ZNF385D: variants seen among roughly 807,000 people sequenced by gnomAD.
ZNF385D encodes the protein zinc finger protein 385D.
In ZNF385D, 15 loss-of-function variants were observed where a neutral mutation model predicts 35.8. The ratio of observed to expected loss-of-function variants is 0.42; its 90% confidence interval spans 0.28 to 0.64. The LOEUF is 0.64. Among genes scored for constraint, ZNF385D ranks in the 30% least tolerant of loss-of-function variants. The probability of loss-of-function intolerance (pLI) is 0.23; values close to 1 mark genes in which losing one functional copy is unlikely to be tolerated. For missense variants in ZNF385D, 474 were observed against 494.6 expected (o/e 0.96, Z 0.39); for synonymous variants, 212 against 186.8 (o/e 1.13, Z -1.10).
At chr3:22,308,211 T>C (rs1442333861) in intron 2 of ZNF385D, among the ~76,000 whole-genome samples, 1 of 152,030 alleles carries the variant, frequency 6.6e-6, no homozygotes, top group African/African-American at 2.4e-5. Context: ...TGTTAGAAAA[T>C]AGTTTACTCT....
chr3:22,063,546 G>A (rs1282216292), intron 3 of ZNF385D, among the ~76,000 whole-genome samples: 2 of 152,074 alleles, frequency 1.3e-5, no homozygotes, highest in East Asian at 1.9e-4. Context: ...ATTCTCTAAA[G>A]TCCCTAACAA....
intron 4 of ZNF385D, among the ~76,000 whole-genome samples, chr3:21,455,032 T>C (rs1225786877): frequency 2.6e-5 from 4 of 152,218 alleles, no homozygotes; most frequent in Admixed American, 1.3e-4. Flanking sequence ...TTACAAGGGA[T>C]GTGAAGGACC....
intron 3 of ZNF385D, among the ~76,000 whole-genome samples, chr3:21,996,555 A>C (rs1471052704): frequency 6.6e-6 from 1 of 152,148 alleles, no homozygotes; most frequent in African/African-American, 2.4e-5. Context: ...TTGATAGAAT[A>C]ATCTATTATT....
intron 3 of ZNF385D, among the ~76,000 whole-genome samples, chr3:22,113,735 G>A (rs191799445): frequency 6.6e-6 from 1 of 151,924 alleles, no homozygotes; most frequent in African/African-American, 2.4e-5. Context: ...ATAAAAGAAA[G>A]CTCACTTTGG....
intron 1 of ZNF385D, among the ~76,000 whole-genome samples, chr3:21,714,589 C>G (rs1172462569): frequency 6.6e-6 from 1 of 152,226 alleles, no homozygotes; most frequent in African/African-American, 2.4e-5. Flanking sequence ...TTCTACTCCT[C>G]TCTTTCTCGT....
At chr3:21,556,068 G>GTTTTTTTTTT (rs148079775) in intron 3 of ZNF385D, among the ~76,000 whole-genome samples, 46 of 99,018 alleles carry the variant, frequency 4.6e-4, no homozygotes, top group South Asian at 7.1e-4. Context: ...TTTTGTTTTT[G>GTTTTTTTTTT]TTTTTTTTTT....
intron 2 of ZNF385D, among the ~76,000 whole-genome samples, chr3:22,291,419 ATT>A (rs1056333769): frequency 5.3e-5 from 8 of 152,084 alleles, no homozygotes; most frequent in African/African-American, 1.7e-4. Context: ...TTCAAGGTAC[ATT>A]AATTAATAGT....
At chr3:21,698,888 C>T (rs938002933) in intron 1 of ZNF385D, among the ~76,000 whole-genome samples, 8 of 152,006 alleles carry the variant, frequency 5.3e-5, no homozygotes, top group African/African-American at 1.7e-4. Context: ...TTTACACTGT[C>T]GGTGGGAATG....
At chr3:21,700,784 G>A (rs1478127546) in intron 1 of ZNF385D, among the ~76,000 whole-genome samples, 2 of 152,302 alleles carry the variant, frequency 1.3e-5, no homozygotes, top group South Asian at 2.1e-4. Context: ...ATGTATTAAT[G>A]TTAATGTTAA....
At chr3:21,600,135 G>A (rs555544066) in intron 2 of ZNF385D, among the ~76,000 whole-genome samples, 1 of 152,268 alleles carries the variant, frequency 6.6e-6, no homozygotes, top group Admixed American at 6.5e-5. Context: ...AATAGGGGAG[G>A]CATGAATAAT....
chr3:21,968,221 G>T (rs926941834), intron 3 of ZNF385D, among the ~76,000 whole-genome samples: 1 of 152,142 alleles, frequency 6.6e-6, no homozygotes, highest in African/African-American at 2.4e-5. Context: ...ATTTAGACCA[G>T]CCGTAGCCAG....
intron 2 of ZNF385D, among the ~76,000 whole-genome samples, chr3:21,622,682 A>T (rs548826165): frequency 6.6e-6 from 1 of 152,084 alleles, no homozygotes; most frequent in African/African-American, 2.4e-5. Context: ...TAGTTCAAGA[A>T]GTCTTATTTT....
At chr3:21,962,368 G>T (rs961919946) in intron 3 of ZNF385D, among the ~76,000 whole-genome samples, 4 of 152,136 alleles carry the variant, frequency 2.6e-5, no homozygotes, top group Non-Finnish European at 5.9e-5. Flanking sequence ...TCCCTGCAAA[G>T]ACATCTCTGC....
At chr3:21,799,081 T>C (rs1328368844) in intron 3 of ZNF385D, among the ~76,000 whole-genome samples, 1 of 152,136 alleles carries the variant, frequency 6.6e-6, no homozygotes, top group African/African-American at 2.4e-5. Flanking sequence ...TCTGACGTAA[T>C]TCACTTAGCA....
At chr3:21,832,766 T>G (rs528199164) in intron 3 of ZNF385D, among the ~76,000 whole-genome samples, 1 of 152,302 alleles carries the variant, frequency 6.6e-6, no homozygotes, top group South Asian at 2.1e-4. Flanking sequence ...GGTGTGAAGT[T>G]GTACTAGACA....
chr3:22,274,804 GTCT>G (rs776911241), intron 2 of ZNF385D, among the ~76,000 whole-genome samples: 63 of 143,694 alleles, frequency 4.4e-4, no homozygotes, highest in South Asian at 1.1e-3. Flanking sequence ...TTTTTTAAAA[GTCT>G]TCTTATTTTT....
chr3:21,744,036 C>T (rs2069644249), intron 1 of ZNF385D, among the ~76,000 whole-genome samples: 1 of 152,064 alleles, frequency 6.6e-6, no homozygotes, highest in Non-Finnish European at 1.5e-5. Context: ...AAAATATCTC[C>T]CTACCCCCAT....
intron 2 of ZNF385D, among the ~76,000 whole-genome samples, chr3:22,222,591 C>G (rs1164948145): frequency 6.6e-6 from 1 of 152,116 alleles, no homozygotes; most frequent in African/African-American, 2.4e-5. Flanking sequence ...ACTAGCAGGA[C>G]AATGGACTAG....
intron 2 of ZNF385D, among the ~76,000 whole-genome samples, chr3:22,239,162 CT>C (rs1202274053): frequency 6.6e-6 from 1 of 151,034 alleles, no homozygotes; most frequent in Non-Finnish European, 1.5e-5. Flanking sequence ...CTAAGTTCTG[CT>C]TTTTTCTAGA....
Sources: allele counts gnomAD v4.1 joint callset (sites outside exome capture counted in the v4.1 genomes callset), GRCh38; gene constraint gnomAD v4.1.1; transcripts MANE v1.5; gene names NCBI Gene and HGNC (gene_info 2026-07-23, HGNC 2026-07-21).